Variants in PRKCE observed in about 807,000 individuals in gnomAD.
The protein encoded by PRKCE is protein kinase C epsilon type.
PRKCE carries 16 observed loss-of-function variants against 85.4 expected under a neutral mutation model. The observed-to-expected ratio is 0.19, with a 90% CI of 0.13 to 0.28. PRKCE has a LOEUF of 0.28. Among genes scored for constraint, PRKCE ranks in the 10% least tolerant of loss-of-function variants. PRKCE has a pLI of 1.00. For missense variants in PRKCE, 573 were observed against 975.2 expected, an observed-to-expected ratio of 0.59 and a Z score of 5.49; for synonymous variants, 388 against 371.5, an observed-to-expected ratio of 1.04 and a Z score of -0.51.
At chr2:46,015,668 T>A (rs1237746202) in intron 10 of PRKCE, among the ~76,000 whole-genome samples, 1 of 121,406 alleles carries the variant, frequency 8.2e-6, no homozygotes, top group East Asian at 2.6e-4. Context: ...GGAACTCAAC[T>A]CTGAAGAACA....
intron 10 of PRKCE, among the ~76,000 whole-genome samples, chr2:46,014,109 A>T (rs1290873248): frequency 6.6e-6 from 1 of 152,212 alleles, no homozygotes; most frequent in Non-Finnish European, 1.5e-5. Context: ...TAGAAAGGCA[A>T]AAAGCAAATA....
chr2:45,903,404 G>A (rs931830107), intron 2 of PRKCE, among the ~76,000 whole-genome samples: 4 of 152,196 alleles, frequency 2.6e-5, no homozygotes, highest in Admixed American at 6.5e-5. Context: ...TTGTGTCAAT[G>A]GTATGGCGTC....
intron 2 of PRKCE, among the ~76,000 whole-genome samples, chr2:45,885,828 C>T (rs1442845019): frequency 6.6e-6 from 1 of 152,140 alleles, no homozygotes; most frequent in Non-Finnish European, 1.5e-5. Flanking sequence ...TTGTTATTTT[C>T]CCAAAATGTT....
chr2:45,945,396 A>G (rs1296919367), intron 2 of PRKCE, among the ~76,000 whole-genome samples: 1 of 151,216 alleles, frequency 6.6e-6, no homozygotes, highest in Middle Eastern at 3.2e-3. Flanking sequence ...CTGTCAAACA[A>G]CTGGATCTCA....
chr2:46,121,206 G>A (rs1673284261), intron 11 of PRKCE, among the ~76,000 whole-genome samples: 1 of 152,188 alleles, frequency 6.6e-6, no homozygotes, highest in Non-Finnish European at 1.5e-5. Context: ...CTTTTATGGG[G>A]ATGTTTATGC....
At chr2:46,162,168 G>A (rs186279222) in intron 14 of PRKCE, among the ~76,000 whole-genome samples, 109 of 152,302 alleles carry the variant, frequency 7.2e-4, no homozygotes, top group Non-Finnish European at 1.2e-3. Context: ...GAGCCAGCAG[G>A]AGGAAATATA....
At chr2:46,020,977 C>G (rs1055428124) in intron 10 of PRKCE, among the ~76,000 whole-genome samples, 5 of 152,208 alleles carry the variant, frequency 3.3e-5, no homozygotes, top group Non-Finnish European at 7.3e-5. Flanking sequence ...AGGAAACAGA[C>G]TCAGGGAGGC....
chr2:46,170,520 TC>T (rs1295541014), intron 14 of PRKCE, among the ~76,000 whole-genome samples: 1 of 152,204 alleles, frequency 6.6e-6, no homozygotes, highest in African/African-American at 2.4e-5. Context: ...CACAAATGCA[TC>T]CCCAGCAGTT....
intron 2 of PRKCE, among the ~76,000 whole-genome samples, chr2:45,960,423 C>T (rs905470040): frequency 1.6e-4 from 24 of 152,200 alleles, no homozygotes; most frequent in African/African-American, 5.3e-4. Context: ...GGACTGGTTT[C>T]ATGGAAGACA....
intron 2 of PRKCE, among the ~76,000 whole-genome samples, chr2:45,949,717 T>C (rs1404927597): frequency 6.6e-6 from 1 of 152,178 alleles, no homozygotes; most frequent in Non-Finnish European, 1.5e-5. Context: ...CTCCCCCAGT[T>C]TGACAACCAT....
chr2:45,865,327 AC>A (rs1007030738), intron 2 of PRKCE, among the ~76,000 whole-genome samples: 1 of 152,114 alleles, frequency 6.6e-6, no homozygotes, highest in Non-Finnish European at 1.5e-5. Context: ...AAAGAGTCAT[AC>A]CCCCAAATAG....
intron 1 of PRKCE, among the ~76,000 whole-genome samples, chr2:45,779,958 T>C (rs1021168270): frequency 6.6e-6 from 1 of 152,180 alleles, no homozygotes; most frequent in Non-Finnish European, 1.5e-5. Context: ...CATAATCAAT[T>C]TTGTTTTCTC....
intron 1 of PRKCE, among the ~76,000 whole-genome samples, chr2:45,762,751 A>G (rs1684608308): frequency 6.6e-6 from 1 of 152,154 alleles, no homozygotes; most frequent in Non-Finnish European, 1.5e-5. Context: ...GCATTTGCTT[A>G]TGTAATCTAC....
intron 14 of PRKCE, among the ~76,000 whole-genome samples, chr2:46,174,460 G>C (rs1398977764): frequency 1.3e-5 from 2 of 152,202 alleles, no homozygotes; most frequent in Non-Finnish European, 1.5e-5. Flanking sequence ...CATTTAAAAA[G>C]AGATGTAAGT....
intron 1 of PRKCE, among the ~76,000 whole-genome samples, chr2:45,720,799 C>T (rs753313809): frequency 4.7e-4 from 71 of 152,134 alleles, no homozygotes; most frequent in Non-Finnish European, 4.0e-4. Context: ...AGCGTTACTA[C>T]TTTTAGTTCT....
intron 2 of PRKCE, among the ~76,000 whole-genome samples, chr2:45,908,943 T>C (rs1381457690): frequency 1.3e-5 from 2 of 152,214 alleles, no homozygotes; most frequent in Non-Finnish European, 2.9e-5. Flanking sequence ...AGCACTCTGA[T>C]TTCTATGTCT....
intron 2 of PRKCE, among the ~76,000 whole-genome samples, chr2:45,894,079 A>G (rs1695947751): frequency 6.6e-6 from 1 of 152,154 alleles, no homozygotes; most frequent in African/African-American, 2.4e-5. Flanking sequence ...GATCCCTTCC[A>G]TACCCTGCAG....
At chr2:45,976,647 T>G in intron 3 of PRKCE, 59 bp downstream of exon 3, 1 of 1,569,578 alleles carries the variant, frequency 6.4e-7, no homozygotes, top group Non-Finnish European at 8.6e-7. Flanking sequence ...ATGTCGGGGA[T>G]GGGGTAGGGG....
chr2:45,976,447 A>G lies in PRKCE; in HGVS notation c.431A>G (p.Glu144Gly). The G allele has an allele frequency of 6.3e-7, 1 of 1,599,736 alleles. No homozygotes were observed. The highest frequency in any genetic ancestry group is 8.5e-7 in the Non-Finnish European group (1 of 1,179,940). ...SSGEAPKDNE[E>G]RVFRERMRPR... is the part of the protein sequence containing the mutation. ...TCCCCAGCCCCTAAAGACAATGAAG[A>G]GCGTGTGTTCAGGGAACGCATGCGG... The change falls in exon 3 of 15, where the codon GAG becomes GGG. Residue 144 changes from glutamate (E) to glycine (G), a missense_variant. By Grantham distance (98) the Glu-to-Gly change is moderately conservative. Around this residue, in one of 11 missense-constraint regions of PRKCE, gnomAD observed 33 missense variants for 33.7 expected, o/e 0.98. Coordinates refer to ENST00000306156, the MANE Select transcript of PRKCE (RefSeq NM_005400.3).
Sources: gnomAD v4.1 joint callset for allele counts (sites outside exome capture counted in the v4.1 genomes callset) on GRCh38, gnomAD v4.1.1 for gene constraint, gnomAD v4.1.1 regional missense constraint, MANE v1.5 for transcripts, NCBI Gene and HGNC (gene_info 2026-07-23, HGNC 2026-07-21) for gene names.